FGF13: variants seen among roughly 807,000 people sequenced by gnomAD.
FGF13 encodes fibroblast growth factor homologous factor 2.
A neutral mutation model predicts 19.5 loss-of-function variants in FGF13; 2 were observed. The observed-to-expected ratio is 0.10, with a 90% CI of 0.04 to 0.32. The LOEUF is 0.32. FGF13 is among the 10% of genes least tolerant of loss of function. The pLI, the probability that FGF13 is intolerant of heterozygous loss-of-function variation, is 1.00. For missense variants in FGF13, 113 were observed against 192.7 expected, an observed-to-expected ratio of 0.59 and a Z score of 2.45; for synonymous variants, 72 against 76.9, an observed-to-expected ratio of 0.94 and a Z score of 0.33.
At chrX:138,833,393 A>T (rs192033865) in intron 3 of FGF13, among the ~76,000 whole-genome samples, 6 of 111,791 alleles carry the variant, frequency 5.4e-5, no homozygotes, top group Non-Finnish European at 1.1e-4. Context: ...CATTAGCTAT[A>T]TTCCTAGATA....
chrX:139,140,872 A>G (rs1460141458), intron 1 of FGF13, among the ~76,000 whole-genome samples: 1 of 110,413 alleles, frequency 9.1e-6, no homozygotes, highest in African/African-American at 3.3e-5. Context: ...TTTCTGTCAC[A>G]TTGGCCTTGT....
At chrX:139,165,071 T>C (rs923881440) in intron 1 of FGF13, among the ~76,000 whole-genome samples, 1 of 111,989 alleles carries the variant, frequency 8.9e-6, no homozygotes, top group East Asian at 2.8e-4. Context: ...GGTAGAAATA[T>C]GGACGTTAAA....
chrX:139,095,580 T>C (rs759312102), intron 1 of FGF13, among the ~76,000 whole-genome samples: 94 of 112,039 alleles, frequency 8.4e-4, no homozygotes, highest in African/African-American at 2.9e-3. Context: ...CTGAGTGGCT[T>C]CGGCCTAATT....
At chrX:138,645,753 A>T (rs759849447) in intron 3 of FGF13, among the ~76,000 whole-genome samples, 16 of 112,374 alleles carry the variant, frequency 1.4e-4, no homozygotes, top group Non-Finnish European at 2.3e-4. Context: ...TGAGGGGCTA[A>T]TGCTACACAT....
chrX:138,673,942 TCTGA>T (rs1394688309), intron 3 of FGF13, among the ~76,000 whole-genome samples: 4 of 111,511 alleles, frequency 3.6e-5, no homozygotes, highest in African/African-American at 9.8e-5. Flanking sequence ...GCCATTTTGT[TCTGA>T]CTTTCTGTTT....
chrX:138,982,632 T>C (rs1263239093), intron 1 of FGF13, among the ~76,000 whole-genome samples: 1 of 112,176 alleles, frequency 8.9e-6, no homozygotes, highest in African/African-American at 3.2e-5. Context: ...ATAGAATCCA[T>C]GCCCTCACAG....
intron 1 of FGF13, among the ~76,000 whole-genome samples, chrX:138,728,909 G>T (rs1318287917): frequency 9.0e-6 from 1 of 111,615 alleles, no homozygotes; most frequent in African/African-American, 3.3e-5. Context: ...CTGTAGATAA[G>T]ATGGTGATCC....
At chrX:138,995,253 C>A (rs2092036731) in intron 1 of FGF13, among the ~76,000 whole-genome samples, 1 of 111,710 alleles carries the variant, frequency 9.0e-6, no homozygotes, top group South Asian at 3.8e-4. Flanking sequence ...ATAATTTCAG[C>A]TGATGCCCAC....
intron 3 of FGF13, among the ~76,000 whole-genome samples, chrX:138,663,437 TGAC>T (rs771188971): frequency 8.9e-6 from 1 of 111,763 alleles, no homozygotes; most frequent in African/African-American, 3.2e-5. Context: ...AGTTGAAAGT[TGAC>T]TAACAAGATT....
intron 1 of FGF13, among the ~76,000 whole-genome samples, chrX:139,100,087 C>CACACACACAT (rs1556361858): frequency 9.6e-6 from 1 of 104,553 alleles, no homozygotes; most frequent in Non-Finnish European, 2.0e-5. Flanking sequence ...CACACACACA[C>CACACACACAT]ATAAACACAT....
chrX:139,019,391 T>C (rs996027831), intron 1 of FGF13, among the ~76,000 whole-genome samples: 6 of 110,505 alleles, frequency 5.4e-5, no homozygotes, highest in Non-Finnish European at 1.1e-4. Flanking sequence ...TATTGAAATA[T>C]GGGAAAAAAG....
chrX:138,978,423 T>C (rs1428349285), intron 1 of FGF13, among the ~76,000 whole-genome samples: 17 of 109,950 alleles, frequency 1.5e-4, no homozygotes, highest in Non-Finnish European at 2.8e-4. Flanking sequence ...CCACCACGCC[T>C]GGCTAATTTT....
chrX:139,073,795 G>C, intron 1 of FGF13, among the ~76,000 whole-genome samples: 1 of 112,388 alleles, frequency 8.9e-6, no homozygotes, highest in Non-Finnish European at 1.9e-5. Context: ...ACCCAGAATA[G>C]AAATCTTCAC....
chrX:138,843,076 C>G, intron 3 of FGF13, among the ~76,000 whole-genome samples: 1 of 111,449 alleles, frequency 9.0e-6, no homozygotes, highest in Non-Finnish European at 1.9e-5. Context: ...AGGTAACATT[C>G]CATAAATGTA....
chrX:139,178,273 C>T (rs182448873), intron 1 of FGF13, among the ~76,000 whole-genome samples: 1 of 112,453 alleles, frequency 8.9e-6, no homozygotes, highest in East Asian at 2.8e-4. Flanking sequence ...AGGTCCTTTA[C>T]ACTCTCCAGG....
intron 3 of FGF13, among the ~76,000 whole-genome samples, chrX:138,649,002 A>G (rs1007901011): frequency 8.9e-6 from 1 of 112,207 alleles, no homozygotes; most frequent in Admixed American, 9.5e-5. Context: ...AGAAAAATCT[A>G]TATTGGCAAA....
At chrX:139,097,921 T>C (rs776593565) in intron 1 of FGF13, among the ~76,000 whole-genome samples, 1 of 112,505 alleles carries the variant, frequency 8.9e-6, no homozygotes, top group Non-Finnish European at 1.9e-5. Flanking sequence ...CTTTTAAGTA[T>C]AGGTAACACT....
At chrX:138,703,198 G>T in intron 2 of FGF13, 111 bp from the exon 3 acceptor site, 1 of 557,533 alleles carries the variant, frequency 1.8e-6, no homozygotes, top group African/African-American at 2.2e-5. Flanking sequence ...AGTTGGTGAG[G>T]GTATGCATAT....
rs530492617 is a variant in FGF13 at position 139,199,331 on chromosome X, T to C, written c.-113+4085A>G. On this transcript the variant is annotated intron_variant, in intron 1 of 2. Coordinates refer to the FGF13 transcript ENST00000421460. ...CCCCCCTCCTTCAATTGCTTAATCT[T>C]GACAATTATTGTCCATTCTTTTCAA... Among the ~76,000 whole-genome samples, 109 of 111,750 alleles carry C rather than the reference T, an allele frequency of 9.8e-4. No individual in the cohort carries two copies. In the South Asian group the frequency reaches 0.011, roughly 12 times the overall value.
Sources: allele counts gnomAD v4.1 joint callset (sites outside exome capture counted in the v4.1 genomes callset), GRCh38; gene constraint gnomAD v4.1.1; transcripts MANE v1.5; gene names NCBI Gene and HGNC (gene_info 2026-07-23, HGNC 2026-07-21).